The following PALMD variants were observed in gnomAD, a reference collection of about 807,000 sequenced individuals.
The protein encoded by PALMD is palmdelphin.
Under a neutral mutation model 56.2 loss-of-function variants are expected in PALMD, and 42 were observed. That is an observed-to-expected ratio of 0.75 (90% CI 0.58 to 0.97). The LOEUF (loss-of-function observed/expected upper bound fraction) is 0.97. Ranked by LOEUF, PALMD falls within the 50% of genes least tolerant of loss-of-function variation. PALMD has a pLI of 0.00. For missense variants in PALMD, 660 were observed against 643.8 expected, an observed-to-expected ratio of 1.03 and a Z score of -0.27; for synonymous variants, 242 against 222.9, an observed-to-expected ratio of 1.09 and a Z score of -0.76.
intron 1 of PALMD, among the ~76,000 whole-genome samples, chr1:99,658,519 C>A (rs186455741): frequency 0.013 from 2,020 of 152,116 alleles, 20 homozygotes; most frequent in Non-Finnish European, 0.021. Flanking sequence ...TGCCTGTAAT[C>A]CCAGCACTTT....
At chr1:99,679,019 G>C (rs774609810) in intron 3 of PALMD, among the ~76,000 whole-genome samples, 15 of 151,918 alleles carry the variant, frequency 9.9e-5, no homozygotes, top group Non-Finnish European at 1.9e-4. Flanking sequence ...TGGGGGTGGG[G>C]GTTTGGTCCT....
chr1:99,667,852 G>A, intron 3 of PALMD, 86 bp downstream of exon 3: 1 of 1,213,528 alleles, frequency 8.2e-7, no homozygotes, highest in South Asian at 1.4e-5. Context: ...CTCACTTTCA[G>A]GGGCATAATC....
chr1:99,692,856 G>C (rs1653691796), intron 7 of PALMD, among the ~76,000 whole-genome samples: 1 of 152,168 alleles, frequency 6.6e-6, no homozygotes, highest in Non-Finnish European at 1.5e-5. Context: ...AGACCTGCTT[G>C]CTACAGAGCA....
intron 3 of PALMD, among the ~76,000 whole-genome samples, chr1:99,679,593 G>A (rs920854044): frequency 1.3e-5 from 2 of 152,148 alleles, no homozygotes; most frequent in African/African-American, 2.4e-5. Flanking sequence ...GGGTCAACAC[G>A]TTTACACACT....
intron 3 of PALMD, chr1:99,668,823 G>A (rs1212602320): frequency 6.6e-6 from 1 of 152,140 alleles, no homozygotes; most frequent in Non-Finnish European, 1.5e-5. Context: ...GGGATTATTA[G>A]TATTATCACA....
chr1:99,653,144 G>A (rs1468493819), intron 1 of PALMD, among the ~76,000 whole-genome samples: 1 of 151,980 alleles, frequency 6.6e-6, no homozygotes, highest in Non-Finnish European at 1.5e-5. Flanking sequence ...CTCAACACTA[G>A]CTGGAGCACC....
rs553485814 is a variant in PALMD at position 99,687,111 on chromosome 1, C to G, written c.436C>G (p.Leu146Val). 165 of 1,604,140 alleles carry G rather than the reference C, an allele frequency of 1.0e-4. 3 individuals are homozygous for G. In the South Asian group the frequency reaches 1.8e-3, roughly 17 times the overall value. The change falls in exon 6 of 8, where the codon CTT (leucine) becomes GTT (valine). Residue 146 changes from leucine to valine, a missense_variant. Transcript: ENST00000263174. ...IEDIYANIPD[L>V]PKSYIPSRLR... ...GGACATCTATGCTAATATCCCTGAC[C>G]TTCCAAAGTCCTACATACCTTCTAG...
At chr1:99,667,027 A>G (rs1000089519) in intron 2 of PALMD, among the ~76,000 whole-genome samples, 1 of 152,222 alleles carries the variant, frequency 6.6e-6, no homozygotes, top group Non-Finnish European at 1.5e-5. Flanking sequence ...GATTCTGAGA[A>G]GAAAGAAGGG....
intron 4 of PALMD, 34 bp from the exon 5 acceptor site, chr1:99,686,896 T>C: frequency 6.8e-7 from 1 of 1,466,650 alleles, no homozygotes; most frequent in Non-Finnish European, 9.4e-7. Flanking sequence ...TTTTTTAAAC[T>C]GTATTAATCA....
chr1:99,672,265 G>T (rs1653103141), intron 3 of PALMD, among the ~76,000 whole-genome samples: 1 of 152,098 alleles, frequency 6.6e-6, no homozygotes, highest in Non-Finnish European at 1.5e-5. Flanking sequence ...TTTGCCTTGT[G>T]CCCTGATTAA....
At chr1:99,665,685 C>T (rs1381283769) in intron 2 of PALMD, among the ~76,000 whole-genome samples, 1 of 152,120 alleles carries the variant, frequency 6.6e-6, no homozygotes, top group African/African-American at 2.4e-5. Flanking sequence ...GTGTCATTGG[C>T]TGGAACTTTC....
At chr1:99,675,560 A>C (rs1484631263) in intron 3 of PALMD, among the ~76,000 whole-genome samples, 1 of 152,170 alleles carries the variant, frequency 6.6e-6, no homozygotes, top group African/African-American at 2.4e-5. Flanking sequence ...CATGTACTAC[A>C]AGGTCCTCTA....
At chr1:99,646,470 T>C (rs1652446636) in intron 1 of PALMD, 108 bp downstream of exon 1, 1 of 816,712 alleles carries the variant, frequency 1.2e-6, no homozygotes, top group South Asian at 1.4e-5. Context: ...AACAGAACTG[T>C]CAGCCTTCAT....
intron 1 of PALMD, among the ~76,000 whole-genome samples, chr1:99,650,573 T>C (rs1322593793): frequency 6.6e-6 from 1 of 152,186 alleles, no homozygotes; most frequent in Non-Finnish European, 1.5e-5. Context: ...TTTTTGTCAA[T>C]ATCTGGGCTC....
chr1:99,677,013 G>C (rs1274831274), intron 3 of PALMD, among the ~76,000 whole-genome samples: 1 of 152,094 alleles, frequency 6.6e-6, no homozygotes, highest in Non-Finnish European at 1.5e-5. Flanking sequence ...AATTTCCAGA[G>C]AGATTATTTT....
intron 3 of PALMD, chr1:99,685,589 C>A (rs1036483182): frequency 5.3e-5 from 8 of 152,194 alleles, no homozygotes; most frequent in African/African-American, 1.9e-4. Context: ...TCAAGCTGAC[C>A]ACATCTTGGG....
chr1:99,663,530 C>T (rs973199916), intron 2 of PALMD, among the ~76,000 whole-genome samples: 1 of 151,934 alleles, frequency 6.6e-6, no homozygotes, highest in African/African-American at 2.4e-5. Context: ...CACTCCAAAA[C>T]CAGAGGTCAT....
intron 3 of PALMD, among the ~76,000 whole-genome samples, chr1:99,682,604 G>A (rs911455022): frequency 1.3e-5 from 2 of 152,048 alleles, no homozygotes; most frequent in East Asian, 1.9e-4. Flanking sequence ...TATCTTCAGA[G>A]AGAAACAACA....
rs771748233 is a variant in PALMD, at chr1:99,686,784, T to C, written c.360T>C (p.Ile120=). 1.3e-5 allele frequency: 20 copies of C among 1,541,190 alleles called. No individual in the cohort carries two copies. The highest frequency in any genetic ancestry group is 1.6e-5 in the Non-Finnish European group (18 of 1,118,184). Reference sequence around the variant, plus strand: ...CAATTGAGCGGACAACAGAAGACATTATAAGAGTGAGCATTAACCAATTTT... The same window carrying C: ...CAATTGAGCGGACAACAGAAGACATCATAAGAGTGAGCATTAACCAATTTT... ...LKSIERTTED[I]IRSVKVEREE... is the part of the protein sequence containing the mutation. Residue 120 remains isoleucine, a synonymous_variant, in exon 4 of 8, where the codon ATT becomes ATC. Transcript: ENST00000263174.
Sources: allele counts gnomAD v4.1 joint callset (sites outside exome capture counted in the v4.1 genomes callset), GRCh38; gene constraint gnomAD v4.1.1; transcripts MANE v1.5; gene names NCBI Gene and HGNC (gene_info 2026-07-23, HGNC 2026-07-21).